Variants in FAT1 observed in about 807,000 individuals in gnomAD.
The protein encoded by FAT1 is protocadherin Fat 1.
FAT1 carries 171 observed loss-of-function variants against 329.8 expected under a neutral mutation model. That is an observed-to-expected ratio of 0.52 (90% CI 0.46 to 0.59). The LOEUF (loss-of-function observed/expected upper bound fraction) is 0.59. Ranked by LOEUF, FAT1 falls within the 20% of genes least tolerant of loss-of-function variation. FAT1 has a pLI of 0.00. For missense variants in FAT1, 5,672 were observed against 5,774.4 expected (o/e 0.98, Z 0.57); for synonymous variants, 2,233 against 2,228.6 (o/e 1.00, Z -0.06).
chr4:186,657,668 A>G (rs1741967960), intron 3 of FAT1, among the ~76,000 whole-genome samples: 1 of 152,230 alleles, frequency 6.6e-6, no homozygotes, highest in African/African-American at 2.4e-5. Context: ...AAAGCTTTTT[A>G]AAAATAAAGA....
intron 1 of FAT1, among the ~76,000 whole-genome samples, chr4:186,722,906 C>T (rs1055517338): frequency 6.7e-6 from 1 of 148,822 alleles, no homozygotes; most frequent in Non-Finnish European, 1.5e-5. Flanking sequence ...AAAAAAAAAA[C>T]TTAACTGCAT....
At chr4:186,693,911 T>G (rs1319164348) in intron 2 of FAT1, among the ~76,000 whole-genome samples, 1 of 152,052 alleles carries the variant, frequency 6.6e-6, no homozygotes, top group Non-Finnish European at 1.5e-5. Flanking sequence ...AGATTCAACC[T>G]CTCCCAGACT....
At chr4:186,693,858 A>T (rs921851510) in intron 2 of FAT1, among the ~76,000 whole-genome samples, 1 of 152,206 alleles carries the variant, frequency 6.6e-6, no homozygotes, top group Non-Finnish European at 1.5e-5. Context: ...TGAGTTTCTC[A>T]TGTATTTCAT....
chr4:186,657,107 A>G (rs1437897576), intron 3 of FAT1, among the ~76,000 whole-genome samples: 1 of 152,198 alleles, frequency 6.6e-6, no homozygotes, highest in Non-Finnish European at 1.5e-5. Flanking sequence ...GCCTTGAGAC[A>G]GTTTCCAGAC....
chr4:186,616,103 T>G (rs1739697282), intron 11 of FAT1, among the ~76,000 whole-genome samples: 1 of 152,040 alleles, frequency 6.6e-6, no homozygotes, highest in Non-Finnish European at 1.5e-5. Context: ...CTTTCACTCC[T>G]TCCCCACCTC....
At chr4:186,668,100 A>T (rs1162905315) in intron 2 of FAT1, among the ~76,000 whole-genome samples, 1 of 152,186 alleles carries the variant, frequency 6.6e-6, no homozygotes. Flanking sequence ...GGGGTTCAGT[A>T]CCTAGGCGCT....
At chr4:186,648,845 T>TCC (rs535366915) in intron 3 of FAT1, among the ~76,000 whole-genome samples, 273 of 152,278 alleles carry the variant, frequency 1.8e-3, no homozygotes, top group Admixed American at 4.1e-3. Flanking sequence ...CATGAAGGTT[T>TCC]CCCGGTGATT....
At chr4:186,676,075 GA>G (rs1387063359) in intron 2 of FAT1, among the ~76,000 whole-genome samples, 1 of 151,936 alleles carries the variant, frequency 6.6e-6, no homozygotes, top group Non-Finnish European at 1.5e-5. Context: ...AGCAGAGAGA[GA>G]GGAAAAGAAG....
intron 9 of FAT1, among the ~76,000 whole-genome samples, chr4:186,623,974 C>T (rs1393617755): frequency 1.3e-5 from 2 of 152,194 alleles, no homozygotes; most frequent in Non-Finnish European, 2.9e-5. Context: ...ATGAATCCCA[C>T]ATCCATATAG....
rs1170738710 is a variant in FAT1 at position 186,620,344 on chromosome 4, A to G, written c.6242T>C (p.Phe2081Ser). Residue 2081 changes from phenylalanine to serine, a missense_variant, in exon 10 of 27, where the codon TTT (phenylalanine) becomes TCT (serine). By Grantham distance (155) the Phe-to-Ser change is radical. Coordinates refer to ENST00000441802, the MANE Select transcript of FAT1 (RefSeq NM_005245.4). Reference sequence around the variant, plus strand: ...AACGGCGTAGTAGGGAAGGTTGACAAACACCGGCGCATTATCATTTTGGTC... The same window carrying G: ...AACGGCGTAGTAGGGAAGGTTGACAGACACCGGCGCATTATCATTTTGGTC... ...VEDQNDNAPV[F>S]VNLPYYAVVK... is the part of the protein sequence containing the mutation. 6.2e-7 allele frequency: 1 copy of G among 1,613,866 alleles called. No homozygotes were observed. Among genetic ancestry groups the G allele is most frequent in the Non-Finnish European group, 8.5e-7 (1 of 1,179,896 alleles).
At chr4:186,700,682 C>A (rs1278700693) in intron 2 of FAT1, among the ~76,000 whole-genome samples, 1 of 152,184 alleles carries the variant, frequency 6.6e-6, no homozygotes, top group Admixed American at 6.5e-5. Context: ...GAGTAAAATG[C>A]GGTTCTGGCA....
chr4:186,723,818 G>A lies in FAT1; in HGVS notation c.-173C>T, dbSNP rs1300041874. Reference sequence around the variant, plus strand: ...CGAGCCGCTCCCGCGCCCTCTCCCCGCGCCCGGCCGCCCAGCTCGGCGCCG... The same window carrying A: ...CGAGCCGCTCCCGCGCCCTCTCCCCACGCCCGGCCGCCCAGCTCGGCGCCG... On this transcript the variant is annotated 5_prime_UTR_variant, in exon 1 of 27. Transcript: ENST00000441802. 3.3e-5 allele frequency: 5 copies of A among 149,928 alleles called. No individual in the cohort carries two copies. Among genetic ancestry groups the A allele is most frequent in the African/African-American group, 1.2e-4 (5 of 40,670 alleles). 9.3% of individuals were successfully genotyped at this position (149,928 alleles called of 1,614,324 possible).
intron 2 of FAT1, among the ~76,000 whole-genome samples, chr4:186,694,179 A>G (rs1743920755): frequency 6.6e-6 from 1 of 152,106 alleles, no homozygotes; most frequent in Non-Finnish European, 1.5e-5. Flanking sequence ...ATTTCTAACG[A>G]AACTCAACAT....
intron 6 of FAT1, among the ~76,000 whole-genome samples, chr4:186,634,303 A>T (rs541908820): frequency 6.6e-6 from 1 of 152,122 alleles, no homozygotes. Context: ...GCTACTATAA[A>T]CTATTTGAAA....
In FAT1 at chr4:186,675,782, A is replaced by AACACAC. The variant is rs66981811; in HGVS notation, c.3266-12175_3266-12170dup. ...CACACATACACACGACCCTGTCTAA[A>AACACAC]ACACACACACACACACACACACACA... On this transcript the variant is annotated intron_variant, in intron 2 of 26. Transcript: ENST00000441802. Among the ~76,000 whole-genome samples, 1,126 of 143,172 alleles carry AACACAC rather than the reference A, an allele frequency of 7.9e-3. 8 individuals carry two copies. Among genetic ancestry groups the AACACAC allele is most frequent in the Admixed American group, 9.7e-3 (138 of 14,252 alleles). 93.9% of individuals were successfully genotyped at this position (143,172 alleles called of 152,430 possible).
chr4:186,669,353 G>C (rs1264925613), intron 2 of FAT1, among the ~76,000 whole-genome samples: 2 of 152,190 alleles, frequency 1.3e-5, no homozygotes, highest in Non-Finnish European at 2.9e-5. Flanking sequence ...CAGTGAGAGC[G>C]GTCGTGATGC....
chr4:186,590,196 G>A (rs1445687505), intron 26 of FAT1, among the ~76,000 whole-genome samples: 3 of 151,704 alleles, frequency 2.0e-5, no homozygotes, highest in Non-Finnish European at 2.9e-5. Context: ...TTGGAGAGGC[G>A]GGAGAAGGTT....
At chr4:186,614,082 T>C in intron 12 of FAT1, 109 bp downstream of exon 12, 1 of 978,712 alleles carries the variant, frequency 1.0e-6, no homozygotes. Flanking sequence ...TCAGAATACA[T>C]TTGAAAAGGG....
At chr4:186,658,474 T>A (rs1022625376) in intron 3 of FAT1, among the ~76,000 whole-genome samples, 1 of 152,218 alleles carries the variant, frequency 6.6e-6, no homozygotes, top group Non-Finnish European at 1.5e-5. Flanking sequence ...GAAAAAGATA[T>A]TGAGGAGATG....
Sources: allele counts gnomAD v4.1 joint callset (sites outside exome capture counted in the v4.1 genomes callset), GRCh38; gene constraint gnomAD v4.1.1; transcripts MANE v1.5; gene names NCBI Gene and HGNC (gene_info 2026-07-23, HGNC 2026-07-21).